The following WFIKKN2 variants were observed in gnomAD, a reference collection of about 807,000 sequenced individuals.
WFIKKN2 encodes the protein WAP, follistatin/kazal, immunoglobulin, kunitz and netrin domain containing 2, also known as WAP, Kazal, immunoglobulin, Kunitz and NTR domain-containing protein 2.
WFIKKN2 carries 25 observed loss-of-function variants against 39.2 expected under a neutral mutation model. The ratio of observed to expected loss-of-function variants is 0.64; its 90% CI spans 0.47 to 0.89. WFIKKN2 has a LOEUF of 0.89. Ranked by LOEUF, WFIKKN2 falls within the 40% of genes least tolerant of loss-of-function variation. The pLI is 0.00. For missense variants in WFIKKN2, 770 were observed against 811.7 expected, an observed-to-expected ratio of 0.95 and a Z score of 0.62; for synonymous variants, 345 against 329.7, an observed-to-expected ratio of 1.05 and a Z score of -0.50.
chr17:50,839,636 T>C lies in WFIKKN2; in HGVS notation c.348T>C (p.Cys116=). 6.2e-7 allele frequency: 1 copy of C among 1,614,202 alleles called. No homozygotes were observed. The highest frequency in any genetic ancestry group is 1.3e-5 in the African/African-American group (1 of 75,056). ...PKEATCDHFM[C]LQQGSECDIW... The stretch of plus-strand genomic sequence containing the variant: ...AGGCCACATGTGACCACTTCATGTG[T>C]CTGCAGCAGGGCTCTGAGTGTGACA... Residue 116 remains cysteine, a synonymous_variant, in exon 2 of 2, where the codon TGT becomes TGC. Coordinates refer to ENST00000311378, the MANE Select transcript of WFIKKN2 (RefSeq NM_175575.6).
chr17:50,839,792 C>G lies in WFIKKN2; in HGVS notation c.504C>G (p.Ile168Met), dbSNP rs1972008709. Residue 168 changes from isoleucine (I) to methionine (M), a missense_variant, in exon 2 of 2, where the codon ATC becomes ATG. Ile to Met is a conservative substitution (Grantham distance 10). Coordinates refer to ENST00000311378, the MANE Select transcript of WFIKKN2 (RefSeq NM_175575.6). ...YMDAEACSKG[I>M]TLAVVTCRYH... ...ATGCCGAGGCCTGCTCCAAAGGCAT[C>G]ACACTGGCCGTTGTAACCTGCCGCT... 1 of 1,614,256 alleles carries G rather than the reference C, an allele frequency of 6.2e-7. No homozygotes were observed. The highest frequency in any genetic ancestry group is 8.5e-7 in the Non-Finnish European group (1 of 1,180,048).
chr17:50,838,690 C>T (rs997295585), intron 1 of WFIKKN2, among the ~76,000 whole-genome samples: 4 of 152,150 alleles, frequency 2.6e-5, no homozygotes, highest in Non-Finnish European at 5.9e-5. Context: ...GTTGCTTTTC[C>T]CGTGAAAGGT....
At position 50,835,750 on chromosome 17, in the gene WFIKKN2, G is replaced by T. The variant is rs912350087; in HGVS notation, c.-188G>T. The T allele has an allele frequency of 4.8e-6, 3 of 622,426 alleles. No individual in the cohort carries two copies. The highest frequency in any genetic ancestry group is 5.5e-6 in the Non-Finnish European group (2 of 363,776). 38.6% of individuals were successfully genotyped at this position (622,426 alleles called of 1,614,324 possible). On this transcript the variant is annotated 5_prime_UTR_variant, in exon 1 of 2. Transcript: ENST00000311378. ...AAAGACCTTTCTTTTATCTGAAGCC[G>T]CACAGCCCGGCAGGCTGTGCTGACT...
At chr17:50,838,493 G>A (rs1017452394) in intron 1 of WFIKKN2, among the ~76,000 whole-genome samples, 3 of 152,292 alleles carry the variant, frequency 2.0e-5, no homozygotes, top group South Asian at 2.1e-4. Context: ...AAGTGGGTAC[G>A]ATGTGTTATT....
chr17:50,834,715 G>T (rs549466627), upstream of WFIKKN2: 2 of 152,388 alleles, frequency 1.3e-5, no homozygotes, highest in African/African-American at 4.8e-5. Context: ...GAGATGATGC[G>T]TTCAGAGAAG....
At chr17:50,839,076 C>G (rs1971996083) in intron 1 of WFIKKN2, among the ~76,000 whole-genome samples, 1 of 152,240 alleles carries the variant, frequency 6.6e-6, no homozygotes, top group South Asian at 2.1e-4. Flanking sequence ...TCTGCCACTT[C>G]CCGTCTCTGT....
rs371503909 is a variant in WFIKKN2, at chr17:50,839,912, G to A, written c.624G>A (p.Ala208=). The part of the protein sequence containing the change: ...ASPETPELDM[A]APALLNNPVH... The stretch of plus-strand genomic sequence containing the variant: ...CAGAGACCCCTGAGCTGGACATGGC[G>A]GCCCCTGCGCTGCTCAACAACCCTG... The change falls in exon 2 of 2, where the codon GCG becomes GCA. Residue 208 remains alanine (A), a synonymous_variant. Coordinates refer to ENST00000311378, the MANE Select transcript of WFIKKN2 (RefSeq NM_175575.6). 5.8e-5 allele frequency: 94 copies of A among 1,614,140 alleles called. No homozygotes were observed. In the African/African-American group the frequency reaches 8.3e-4, roughly 14 times the overall value.
rs765589347 is a variant in WFIKKN2, at chr17:50,840,262, C to A, written c.974C>A (p.Ala325Glu). The A allele has an allele frequency of 1.2e-6, 2 of 1,613,822 alleles. No homozygotes were observed. Among genetic ancestry groups the A allele is most frequent in the African/African-American group, 1.3e-5 (1 of 74,936 alleles). ...ESSPNGTAFPAAECLKPPDSE... is the reference protein window; with the variant it reads ...ESSPNGTAFPEAECLKPPDSE... ...AGCCCCAATGGCACGGCTTTCCCGG[C>A]GGCCGAGTGCCTGAAGCCCCCAGAC... The change falls in exon 2 of 2, where the codon GCG becomes GAG. Residue 325 changes from alanine (A) to glutamate (E), a missense_variant. Ala to Glu is a moderately radical substitution (Grantham distance 107, BLOSUM62 -1). Coordinates refer to ENST00000311378, the MANE Select transcript of WFIKKN2 (RefSeq NM_175575.6).
At chr17:50,839,360 C>A in intron 1 of WFIKKN2, 139 bp from the exon 2 acceptor site, 1 of 772,902 alleles carries the variant, frequency 1.3e-6, no homozygotes, top group South Asian at 1.9e-5. Context: ...CGTATGCATT[C>A]GTTATTATTT....
upstream of WFIKKN2, chr17:50,835,432 A>T (rs961702332): frequency 6.5e-6 from 1 of 154,110 alleles, no homozygotes; most frequent in Non-Finnish European, 1.4e-5. Flanking sequence ...CCCGCAAAGC[A>T]CATGCCATTT....
chr17:50,835,990 C>CGCTGCT lies in WFIKKN2; in HGVS notation c.66_71dup (p.Leu25_Leu26dup), dbSNP rs747030661. 87 of 1,607,040 alleles carry CGCTGCT rather than the reference C, an allele frequency of 5.4e-5. No homozygotes were observed. In the African/African-American group the frequency reaches 6.7e-4, roughly 12 times the overall value. ...TGGTCTCGCTGGGAGCAGGTGGCAG[C>CGCTGCT]GCTGCTGCTGCTGCTGCTACTGCTC... On this transcript the variant is annotated inframe_insertion, in exon 1 of 2. Coordinates refer to ENST00000311378, the MANE Select transcript of WFIKKN2 (RefSeq NM_175575.6).
In WFIKKN2 at chr17:50,841,148, C is replaced by A; in HGVS notation, c.*129C>A. ...CAGGGAAACATCAACCGACGTGTCA[C>A]AGAAAAAGCCACAGAAGGTCTCAGA... On this transcript the variant is annotated 3_prime_UTR_variant, in exon 2 of 2. Transcript: ENST00000311378. 1.1e-6 allele frequency: 1 copy of A among 946,920 alleles called. No individual in the cohort carries two copies. Among genetic ancestry groups the A allele is most frequent in the Non-Finnish European group, 1.5e-6 (1 of 661,304 alleles). 58.7% of individuals were successfully genotyped at this position (946,920 alleles called of 1,614,324 possible).
rs1338901148 is a variant in WFIKKN2 at position 50,840,256 on chromosome 17, T to C, written c.968T>C (p.Phe323Ser). The change falls in exon 2 of 2, where the codon TTC becomes TCC. Residue 323 changes from phenylalanine to serine, a missense_variant. Coordinates refer to ENST00000311378, the MANE Select transcript of WFIKKN2 (RefSeq NM_175575.6). ...GAGAGCAGCCCCAATGGCACGGCTT[T>C]CCCGGCGGCCGAGTGCCTGAAGCCC... The part of the protein sequence containing the change: ...TSESSPNGTA[F>S]PAAECLKPPD... 2.5e-6 allele frequency: 4 copies of C among 1,613,800 alleles called. No homozygotes were observed. The highest frequency in any genetic ancestry group is 3.4e-6 in the Non-Finnish European group (4 of 1,179,944).
rs1316870551 is a variant in WFIKKN2 at position 50,839,700 on chromosome 17, T to C, written c.412T>C (p.Cys138Arg). 7 of 1,614,236 alleles carry C rather than the reference T, an allele frequency of 4.3e-6. No homozygotes were observed. The highest frequency in any genetic ancestry group is 2.2e-5 in the East Asian group (1 of 44,878). Reference sequence around the variant, plus strand: ...GCCCGTGTGTAAGTGCAAAGACCGCTGTGAGAAGGAGCCCAGCTTTACCTG... The same window carrying C: ...GCCCGTGTGTAAGTGCAAAGACCGCCGTGAGAAGGAGCCCAGCTTTACCTG... ...GQPVCKCKDR[C>R]EKEPSFTCAS... The change falls in exon 2 of 2, where the codon TGT becomes CGT. Residue 138 changes from cysteine to arginine, a missense_variant. Transcript: ENST00000311378.
At chr17:50,837,299 G>A (rs1035617439) in intron 1 of WFIKKN2, among the ~76,000 whole-genome samples, 12 of 152,140 alleles carry the variant, frequency 7.9e-5, no homozygotes, top group Non-Finnish European at 1.5e-5. Context: ...CCAGGCTGAC[G>A]GCAGGCCAAG....
chr17:50,836,249 G>C (rs919000021), intron 1 of WFIKKN2, 102 bp downstream of exon 1: 2 of 1,369,632 alleles, frequency 1.5e-6, no homozygotes, highest in African/African-American at 2.9e-5. Flanking sequence ...GGAGGACAAC[G>C]TGAGTGGGGT....
At chr17:50,838,455 G>T (rs1010235152) in intron 1 of WFIKKN2, among the ~76,000 whole-genome samples, 1 of 152,208 alleles carries the variant, frequency 6.6e-6, no homozygotes, top group East Asian at 1.9e-4. Context: ...ACTACCTGGT[G>T]GAGGATTAGG....
At position 50,839,683 on chromosome 17, in the gene WFIKKN2, G is replaced by T; in HGVS notation, c.395G>T (p.Cys132Phe). ...GACATCTGGGATGGCCAGCCCGTGT[G>T]TAAGTGCAAAGACCGCTGTGAGAAG... ...ECDIWDGQPV[C>F]KCKDRCEKEP... is the part of the protein sequence containing the mutation. The change falls in exon 2 of 2, where the codon TGT becomes TTT. Residue 132 changes from cysteine (C) to phenylalanine (F), a missense_variant. Physicochemically the swap from Cys to Phe is radical, Grantham distance 205 (BLOSUM62 -2). Coordinates refer to ENST00000311378, the MANE Select transcript of WFIKKN2 (RefSeq NM_175575.6). 1 of 1,614,252 alleles carries T rather than the reference G, an allele frequency of 6.2e-7. No homozygotes were observed. Among genetic ancestry groups the T allele is most frequent in the Non-Finnish European group, 8.5e-7 (1 of 1,180,046 alleles).
In WFIKKN2 at chr17:50,840,247, G is replaced by A; in HGVS notation, c.959G>A (p.Gly320Asp). The A allele has an allele frequency of 6.2e-7, 1 of 1,613,970 alleles. No individual in the cohort carries two copies. Among genetic ancestry groups the A allele is most frequent in the Non-Finnish European group, 8.5e-7 (1 of 1,179,970 alleles). ...AAATSESSPNGTAFPAAECLK... is the reference protein window; with the variant it reads ...AAATSESSPNDTAFPAAECLK... Reference sequence around the variant, plus strand: ...GCCACCTCAGAGAGCAGCCCCAATGGCACGGCTTTCCCGGCGGCCGAGTGC... The same window carrying A: ...GCCACCTCAGAGAGCAGCCCCAATGACACGGCTTTCCCGGCGGCCGAGTGC... Residue 320 changes from glycine to aspartate, a missense_variant, in exon 2 of 2, where the codon GGC (glycine) becomes GAC (aspartate). Physicochemically the swap from Gly to Asp is moderately conservative, Grantham distance 94. Coordinates refer to ENST00000311378, the MANE Select transcript of WFIKKN2 (RefSeq NM_175575.6).
Sources: allele counts gnomAD v4.1 joint callset (sites outside exome capture counted in the v4.1 genomes callset), GRCh38; gene constraint gnomAD v4.1.1; transcripts MANE v1.5; gene names NCBI Gene and HGNC (gene_info 2026-07-23, HGNC 2026-07-21).